NOD2: variants seen among roughly 807,000 people sequenced by gnomAD.
The protein encoded by NOD2 is nucleotide binding oligomerization domain containing 2, also known as nucleotide-binding oligomerization domain-containing protein 2.
NOD2 carries 86 observed loss-of-function variants against 90.9 expected under a neutral mutation model. That is an observed-to-expected ratio of 0.95 (90% CI 0.79 to 1.13). The LOEUF is 1.13. Among genes scored for constraint, NOD2 ranks in the 50% most tolerant of loss-of-function variants. The pLI is 0.00. For synonymous variants in NOD2, 581 were observed against 554.6 expected (o/e 1.05, Z -0.67); for missense variants, 1,238 against 1,283.8 (o/e 0.96, Z 0.55).
intron 9 of NOD2, 69 bp from the exon 10 acceptor site, chr16:50,725,420 G>A (rs1965229689): frequency 8.5e-7 from 1 of 1,169,936 alleles, no homozygotes; most frequent in African/African-American, 1.5e-5. Flanking sequence ...CTATATGGGG[G>A]GCATGTGAGT....
chr16:50,696,824 C>G (rs1290927905), intron 1 of NOD2, among the ~76,000 whole-genome samples: 2 of 152,252 alleles, frequency 1.3e-5, no homozygotes, highest in African/African-American at 2.4e-5. Flanking sequence ...AGCTCCGAGT[C>G]ACGTGGCTTG....
At chr16:50,719,528 T>C (rs1322490933) in intron 6 of NOD2, among the ~76,000 whole-genome samples, 1 of 152,018 alleles carries the variant, frequency 6.6e-6, no homozygotes, top group African/African-American at 2.4e-5. Context: ...AGGTAAAGCC[T>C]ACCTGTAGCA....
chr16:50,722,493 G>T, intron 7 of NOD2, 129 bp from the exon 8 acceptor site: 1 of 907,294 alleles, frequency 1.1e-6, no homozygotes. Context: ...CCCCAGTGAG[G>T]CCACTCTGGG....
rs142904241 is a variant in NOD2 at position 50,729,828 on chromosome 16, A to G, written c.2896A>G (p.Asn966Asp). The G allele has an allele frequency of 2.5e-6, 4 of 1,612,452 alleles. No individual in the cohort carries two copies. The Admixed American group carries it at 6.7e-5, about 27-fold the overall frequency. The change falls in exon 11 of 12, where the codon AAC becomes GAC. Residue 966 changes from asparagine to aspartate, a missense_variant. Transcript: ENST00000647318. ...TATCTTCTTTTCCAGGTTGTCCAAT[A>G]ACTGCATCACCTACCTAGGGGCAGA... Reference protein sequence around the residue: ...SSLKILKLSNNCITYLGAEAL... With the variant: ...SSLKILKLSNDCITYLGAEAL...
intron 6 of NOD2, 49 bp downstream of exon 6, chr16:50,717,023 C>T (rs1433602229): frequency 1.3e-6 from 2 of 1,547,214 alleles, no homozygotes; most frequent in Admixed American, 3.3e-5. Context: ...TTGCCCCATT[C>T]CTGAGTCAGT....
intron 2 of NOD2, among the ~76,000 whole-genome samples, chr16:50,702,289 C>T (rs1963978401): frequency 1.3e-5 from 2 of 152,232 alleles, no homozygotes; most frequent in Admixed American, 6.5e-5. Context: ...AAATAGACAG[C>T]AAAAGCAAAC....
chr16:50,704,894 A>G (rs1964115951), intron 2 of NOD2, among the ~76,000 whole-genome samples: 1 of 152,212 alleles, frequency 6.6e-6, no homozygotes, highest in Non-Finnish European at 1.5e-5. Context: ...AATTTCAATT[A>G]TGTGCCTTGG....
intron 1 of NOD2, among the ~76,000 whole-genome samples, chr16:50,695,808 A>C (rs1963620966): frequency 6.6e-6 from 1 of 152,112 alleles, no homozygotes; most frequent in East Asian, 1.9e-4. Context: ...AGGATTGAGC[A>C]ATGGGAGGTC....
At position 50,711,226 on chromosome 16, in the gene NOD2, C is replaced by G; in HGVS notation, c.1234C>G (p.Arg412Gly). The G allele has an allele frequency of 1.2e-6, 2 of 1,614,026 alleles. No individual in the cohort carries two copies. Among genetic ancestry groups the G allele is most frequent in the Non-Finnish European group, 1.7e-6 (2 of 1,180,036 alleles). The change falls in exon 4 of 12, where the codon CGC (arginine) becomes GGC (glycine). Residue 412 changes from arginine (R) to glycine (G), a missense_variant. Arg to Gly is a moderately radical substitution (Grantham distance 125). This residue lies in a region of NOD2 where 567 missense variants were observed against 577.3 expected (regional missense o/e 0.98). Coordinates refer to ENST00000647318, the MANE Select transcript of NOD2 (RefSeq NM_001370466.1). Reference protein sequence around the residue: ...AVSAFLRKYIRTEFNLKGFSE... With the variant: ...AVSAFLRKYIGTEFNLKGFSE... ...GTCGGCGTTCCTCAGGAAGTACATC[C>G]GCACCGAGTTCAACCTCAAGGGCTT...
At chr16:50,730,533 C>T (rs1023135043) in intron 11 of NOD2, among the ~76,000 whole-genome samples, 1 of 152,172 alleles carries the variant, frequency 6.6e-6, no homozygotes, top group Admixed American at 6.5e-5. Flanking sequence ...AAAGGCTTTC[C>T]CTGGCCTAAT....
At chr16:50,695,341 AG>A (rs1321873502) in intron 1 of NOD2, among the ~76,000 whole-genome samples, 3 of 152,184 alleles carry the variant, frequency 2.0e-5, no homozygotes, top group Admixed American at 2.0e-4. Flanking sequence ...AGAGAAAGGT[AG>A]AGTCAAAGAT....
chr16:50,725,619 G>A (rs370298984), intron 10 of NOD2, 47 bp downstream of exon 10: 3 of 1,443,228 alleles, frequency 2.1e-6, no homozygotes, highest in South Asian at 2.3e-5. Flanking sequence ...GCTGGCCTTT[G>A]GAAGGGGCAT....
At chr16:50,716,189 C>T (rs1483974354) in intron 4 of NOD2, among the ~76,000 whole-genome samples, 1 of 152,208 alleles carries the variant, frequency 6.6e-6, no homozygotes, top group East Asian at 1.9e-4. Context: ...AAATTGTCCC[C>T]AGGGGTAGCC....
chr16:50,716,035 G>A (rs867956460), intron 4 of NOD2, among the ~76,000 whole-genome samples: 5 of 152,134 alleles, frequency 3.3e-5, no homozygotes, highest in Admixed American at 1.3e-4. Flanking sequence ...GGGCTTGCTC[G>A]GCAGGGACTA....
intron 1 of NOD2, chr16:50,697,172 C>G: frequency 1.5e-6 from 2 of 1,294,682 alleles, no homozygotes; most frequent in Non-Finnish European, 2.2e-6. Context: ...TCCTGTGCCA[C>G]TGGGCTTTTG....
rs997915428 is a variant in NOD2, at chr16:50,709,840, C to A, written c.566-718C>A. 9 of 419,592 alleles carry A rather than the reference C, an allele frequency of 2.1e-5. No individual in the cohort carries two copies. In the Middle Eastern group the frequency reaches 1.7e-3, roughly 80 times the overall value. 26.0% of individuals were successfully genotyped at this position (419,592 alleles called of 1,614,324 possible). On this transcript the variant is annotated intron_variant, in intron 3 of 11. Transcript: ENST00000647318. ...CATGAATAATAATGATAATAAGCAC[C>A]ATTTTTTGAGAGTTTGCCATGTCAG...
chr16:50,716,579 C>T lies in NOD2; in HGVS notation c.2382-8C>T, dbSNP rs765447818. The T allele has an allele frequency of 1.2e-6, 2 of 1,612,774 alleles. No homozygotes were observed. Among genetic ancestry groups the T allele is most frequent in the Non-Finnish European group, 1.7e-6 (2 of 1,178,992 alleles). ...CCATTTTCAAATGTATTTATTTTGT[C>T]TCTTTAGTTTGCGCGATAACAATAT... On this transcript the variant is annotated splice_region_variant and splice_polypyrimidine_tract_variant and intron_variant, in intron 4 of 11. Transcript: ENST00000647318.
chr16:50,710,801 T>C lies in NOD2; in HGVS notation c.809T>C (p.Val270Ala). Residue 270 changes from valine to alanine, a missense_variant, in exon 4 of 12, where the codon GTG (valine) becomes GCG (alanine). This residue lies in a region of NOD2 where 567 missense variants were observed against 577.3 expected (regional missense o/e 0.98). Coordinates refer to ENST00000647318, the MANE Select transcript of NOD2 (RefSeq NM_001370466.1). Reference protein sequence around the residue: ...HLNDDADTVLVVGEAGSGKST... With the variant: ...HLNDDADTVLAVGEAGSGKST... ...AATGACGATGCGGACACTGTGCTGG[T>C]GGTGGGTGAGGCGGGCAGTGGCAAG... 1 of 1,614,018 alleles carries C rather than the reference T, an allele frequency of 6.2e-7. No individual in the cohort carries two copies. The highest frequency in any genetic ancestry group is 8.5e-7 in the Non-Finnish European group (1 of 1,179,994).
At chr16:50,709,796 T>C (rs1415675413) in intron 3 of NOD2, 2 of 371,966 alleles carry the variant, frequency 5.4e-6, no homozygotes, top group Non-Finnish European at 1.1e-5. Flanking sequence ...TGAGGGTCTA[T>C]TGTTGTGCCT....
Sources: allele counts gnomAD v4.1 joint callset (sites outside exome capture counted in the v4.1 genomes callset), GRCh38; gene constraint gnomAD v4.1.1; regional missense constraint gnomAD v4.1.1; transcripts MANE v1.5; gene names NCBI Gene and HGNC (gene_info 2026-07-23, HGNC 2026-07-21).